Variants in USH2A observed in about 807,000 individuals in gnomAD.
USH2A encodes usherin, also known as Usher syndrome 2A (autosomal recessive, mild).
Under a neutral mutation model 538.9 loss-of-function variants are expected in USH2A, and 443 were observed. The observed-to-expected ratio is 0.82, with a 90% CI of 0.76 to 0.89. The LOEUF (loss-of-function observed/expected upper bound fraction) is 0.89. Among genes scored for constraint, USH2A ranks in the 40% least tolerant of loss-of-function variants. The pLI, the probability that USH2A is intolerant of heterozygous loss-of-function variation, is 0.00. For synonymous variants in USH2A, 2,413 were observed against 2,273.5 expected, an observed-to-expected ratio of 1.06 and a Z score of -1.75; for missense variants, 6,633 against 6,324.8, an observed-to-expected ratio of 1.05 and a Z score of -1.65.
At chr1:216,075,781 T>C (rs770005263) in intron 27 of USH2A, among the ~76,000 whole-genome samples, 1 of 152,244 alleles carries the variant, frequency 6.6e-6, no homozygotes, top group Non-Finnish European at 1.5e-5. Context: ...GCAAATTATG[T>C]TGCCCAGCAT....
chr1:215,731,591 C>A (rs914102881), intron 60 of USH2A, among the ~76,000 whole-genome samples: 18 of 152,070 alleles, frequency 1.2e-4, no homozygotes, highest in African/African-American at 4.1e-4. Context: ...TTAATGTTGC[C>A]TAACACTAAG....
Position 215,759,787 on chromosome 1 carries a change from A to G in USH2A, c.11104T>C (p.Trp3702Arg). 1.9e-6 allele frequency: 3 copies of G among 1,614,038 alleles called. No homozygotes were observed. Among genetic ancestry groups the G allele is most frequent in the Non-Finnish European group, 2.5e-6 (3 of 1,179,948 alleles). Residue 3702 changes from tryptophan to arginine, a missense_variant, in exon 57 of 72, where the codon TGG becomes CGG. Trp to Arg is a moderately radical substitution (Grantham distance 101, BLOSUM62 -3). Transcript: ENST00000307340. ...CCATTGGGCTTTTCTGGCAGACTCC[A>G]ATATAATTCCACTGTTGTAGAATTG... ...IINSTTVELYWSLPEKPNGLV... is the reference protein window; with the variant it reads ...IINSTTVELYRSLPEKPNGLV...
intron 41 of USH2A, among the ~76,000 whole-genome samples, chr1:215,888,192 T>A (rs1221899762): frequency 6.6e-6 from 1 of 152,188 alleles, no homozygotes. Context: ...ATATTTCAGG[T>A]GTGCGAGGCA....
chr1:215,990,763 T>TA (rs1667984962), intron 35 of USH2A, among the ~76,000 whole-genome samples: 1 of 142,566 alleles, frequency 7.0e-6, no homozygotes, highest in Non-Finnish European at 1.5e-5. Context: ...AATTTTCCTT[T>TA]TTTTTTTTTT....
At chr1:216,113,161 A>G (rs2032918468) in intron 21 of USH2A, among the ~76,000 whole-genome samples, 1 of 150,918 alleles carries the variant, frequency 6.6e-6, no homozygotes, top group Non-Finnish European at 1.5e-5. Flanking sequence ...AAAAAACAAA[A>G]CAAGAAAGTA....
intron 21 of USH2A, among the ~76,000 whole-genome samples, chr1:216,139,887 C>T (rs866261258): frequency 3.9e-5 from 6 of 152,104 alleles, no homozygotes; most frequent in African/African-American, 1.4e-4. Context: ...CGACCCTTTA[C>T]AACATATATA....
At chr1:216,299,689 T>C (rs1191921053) in intron 9 of USH2A, among the ~76,000 whole-genome samples, 4 of 152,182 alleles carry the variant, frequency 2.6e-5, no homozygotes, top group African/African-American at 7.2e-5. Flanking sequence ...AGAAAATTAA[T>C]ATGTTTCAGT....
chr1:216,205,169 T>C (rs1489729802), intron 16 of USH2A, among the ~76,000 whole-genome samples: 1 of 152,200 alleles, frequency 6.6e-6, no homozygotes, highest in Non-Finnish European at 1.5e-5. Flanking sequence ...GTATGGAAAG[T>C]AGGGTGACCC....
At chr1:215,795,147 T>C (rs1662089904) in intron 50 of USH2A, among the ~76,000 whole-genome samples, 1 of 152,212 alleles carries the variant, frequency 6.6e-6, no homozygotes, top group Non-Finnish European at 1.5e-5. Context: ...TCCTTTTGCC[T>C]ACTCAGATTT....
At chr1:216,327,185 A>G (rs201913222) in intron 5 of USH2A, among the ~76,000 whole-genome samples, 1 of 152,318 alleles carries the variant, frequency 6.6e-6, no homozygotes, top group East Asian at 1.9e-4. Flanking sequence ...CAAAATAATT[A>G]ATCACGTTTA....
At chr1:216,304,380 A>C (rs890972012) in intron 9 of USH2A, among the ~76,000 whole-genome samples, 4 of 151,984 alleles carry the variant, frequency 2.6e-5, no homozygotes, top group African/African-American at 9.7e-5. Flanking sequence ...ATGCTTTTTC[A>C]ATCTGAACTA....
chr1:216,331,913 G>A (rs2037871437), intron 4 of USH2A, among the ~76,000 whole-genome samples: 1 of 152,074 alleles, frequency 6.6e-6, no homozygotes, highest in Non-Finnish European at 1.5e-5. Flanking sequence ...CACTGGCAAA[G>A]AATATCACAT....
intron 44 of USH2A, among the ~76,000 whole-genome samples, chr1:215,846,535 T>C (rs192596608): frequency 3.3e-4 from 51 of 152,298 alleles, no homozygotes; most frequent in African/African-American, 1.2e-3. Flanking sequence ...TTTAATAATT[T>C]GCGTTTTTTC....
rs140950879 is a variant in USH2A at position 216,347,008 on chromosome 1, A to T, written c.784+17945T>A. On this transcript the variant is annotated intron_variant, in intron 4 of 71. Coordinates refer to ENST00000307340, the MANE Select transcript of USH2A (RefSeq NM_206933.4). Reference sequence around the variant, plus strand: ...GTGACTTTAGGAATGTTTGGGAAATAAAAACAGCTTTAAAAATTATTGATA... The same window carrying T: ...GTGACTTTAGGAATGTTTGGGAAATTAAAACAGCTTTAAAAATTATTGATA... 5.3e-4 allele frequency among the ~76,000 whole-genome samples: 80 copies of T among 152,262 alleles called. No homozygotes were observed. The East Asian group carries it at 0.012, about 24-fold the overall frequency.
intron 61 of USH2A, among the ~76,000 whole-genome samples, chr1:215,687,229 T>C (rs1407273303): frequency 6.6e-6 from 1 of 152,274 alleles, no homozygotes; most frequent in Admixed American, 6.5e-5. Flanking sequence ...CAGGGGACAA[T>C]TGTTATAACA....
intron 11 of USH2A, among the ~76,000 whole-genome samples, chr1:216,287,416 G>A (rs1055260448): frequency 6.6e-6 from 1 of 152,172 alleles, no homozygotes; most frequent in Non-Finnish European, 1.5e-5. Flanking sequence ...GAAATCTAGA[G>A]CCAGTAGTAT....
intron 44 of USH2A, among the ~76,000 whole-genome samples, chr1:215,853,761 T>C (rs1664083823): frequency 6.6e-6 from 1 of 152,202 alleles, no homozygotes; most frequent in Non-Finnish European, 1.5e-5. Flanking sequence ...TGCCAGTCTC[T>C]TTGCTAAAAC....
At chr1:216,370,613 G>A (rs1250002028) in intron 3 of USH2A, among the ~76,000 whole-genome samples, 2 of 140,442 alleles carry the variant, frequency 1.4e-5, no homozygotes, top group African/African-American at 5.4e-5. Flanking sequence ...GGGAGGCGGA[G>A]GTTGTGGTGA....
chr1:216,119,625 T>A (rs549492665), intron 21 of USH2A, among the ~76,000 whole-genome samples: 16 of 152,158 alleles, frequency 1.1e-4, no homozygotes, highest in East Asian at 7.7e-4. Context: ...ATAAATATAT[T>A]TTTTTATTTT....
Sources: allele counts gnomAD v4.1 joint callset (sites outside exome capture counted in the v4.1 genomes callset), GRCh38; gene constraint gnomAD v4.1.1; transcripts MANE v1.5; gene names NCBI Gene and HGNC (gene_info 2026-07-23, HGNC 2026-07-21).